Variants in BASP1 observed in about 807,000 individuals in gnomAD.
The protein encoded by BASP1 is brain abundant membrane attached signal protein 1, also known as brain acid soluble protein 1.
A neutral mutation model predicts 2.2 loss-of-function variants in BASP1; 1 was observed. That is an observed-to-expected ratio of 0.46 (90% CI 0.16 to 2.17). The LOEUF is 2.17. Among genes scored for constraint, BASP1 ranks in the 30% most tolerant of loss-of-function variants. BASP1 has a pLI of 0.27. For synonymous variants in BASP1, 187 were observed against 154.2 expected (o/e 1.21, Z -1.58); for missense variants, 352 against 327.2 (o/e 1.08, Z -0.58).
intron 1 of BASP1, among the ~76,000 whole-genome samples, chr5:17,235,910 G>A (rs530194009): frequency 1.3e-5 from 2 of 152,264 alleles, no homozygotes; most frequent in East Asian, 3.9e-4. Flanking sequence ...GACACTACTT[G>A]GCCCAGAGTA....
rs563378888 is a variant in BASP1 at position 17,241,245 on chromosome 5, A to G, written c.-10+23435A>G. Among the ~76,000 whole-genome samples, 3 of 152,068 alleles carry G rather than the reference A, an allele frequency of 2.0e-5. No individual in the cohort carries two copies. In the East Asian group the frequency reaches 5.8e-4, roughly 30 times the overall value. The stretch of plus-strand genomic sequence containing the variant: ...CTCCTGAGTAGCTGGGATTATAGAC[A>G]TGTACCACCAGTCCCGGCTAATTTT... On this transcript the variant is annotated intron_variant, in intron 1 of 1. Transcript: ENST00000322611.
intron 1 of BASP1, among the ~76,000 whole-genome samples, chr5:17,238,483 A>G (rs1739792505): frequency 6.6e-6 from 1 of 152,150 alleles, no homozygotes; most frequent in Non-Finnish European, 1.5e-5. Flanking sequence ...CAGTGAGGAG[A>G]AACCTTTAGT....
rs116799091 is a variant in BASP1, at chr5:17,225,665, G to A, written c.-10+7855G>A. On this transcript the variant is annotated intron_variant, in intron 1 of 1. Transcript: ENST00000322611. ...CTTATTTGGGGGCTATAGAGCAAGCGGAGCAGTCAGGCATCCCACCCACCC... is the reference window on the plus strand; with the variant it reads ...CTTATTTGGGGGCTATAGAGCAAGCAGAGCAGTCAGGCATCCCACCCACCC... Among the ~76,000 whole-genome samples the A allele has an allele frequency of 9.6e-3, 1,465 of 152,268 alleles. 13 individuals are homozygous for A. The highest frequency in any genetic ancestry group is 0.034 in the African/African-American group (1,397 of 41,546).
chr5:17,221,757 C>A (rs1388514979), intron 1 of BASP1, among the ~76,000 whole-genome samples: 1 of 151,996 alleles, frequency 6.6e-6, no homozygotes, highest in Non-Finnish European at 1.5e-5. Flanking sequence ...TTATAGTGGA[C>A]AACTATTAGG....
chr5:17,224,847 G>A (rs563988371), intron 1 of BASP1, among the ~76,000 whole-genome samples: 8 of 152,324 alleles, frequency 5.3e-5, no homozygotes, highest in African/African-American at 1.7e-4. Context: ...CTAGCAGACC[G>A]TCTGCCACTG....
chr5:17,228,679 A>G (rs753627386), intron 1 of BASP1, among the ~76,000 whole-genome samples: 9 of 152,190 alleles, frequency 5.9e-5, no homozygotes, highest in Non-Finnish European at 1.3e-4. Flanking sequence ...TAAGGGGAGA[A>G]GGAAGTGATG....
At chr5:17,230,263 G>A (rs1739605261) in intron 1 of BASP1, among the ~76,000 whole-genome samples, 1 of 152,126 alleles carries the variant, frequency 6.6e-6, no homozygotes, top group Non-Finnish European at 1.5e-5. Context: ...GATTTTACTG[G>A]ATAGAGACTT....
upstream of BASP1, among the ~76,000 whole-genome samples, chr5:17,217,281 C>T (rs1328620487): frequency 1.7e-5 from 1 of 57,210 alleles, no homozygotes; most frequent in African/African-American, 8.2e-5. Context: ...ACCAGGATGG[C>T]GGATAGGAGA....
chr5:17,233,580 C>T (rs1297160154), intron 1 of BASP1, among the ~76,000 whole-genome samples: 1 of 152,100 alleles, frequency 6.6e-6, no homozygotes, highest in Non-Finnish European at 1.5e-5. Flanking sequence ...ACCATACTGC[C>T]TCCTGGTTTC....
At chr5:17,238,639 C>G (rs1739796228) in intron 1 of BASP1, among the ~76,000 whole-genome samples, 1 of 152,128 alleles carries the variant, frequency 6.6e-6, no homozygotes, top group South Asian at 2.1e-4. Context: ...CCTACTTTTC[C>G]CCTTCATCTC....
rs3733748 is a variant in BASP1, at chr5:17,275,443, C to T, written c.227C>T (p.Ala76Val). ...GAGAAGGAGGGCGAGAAGGACGCGGCGGCTGCCAAGGAGGAGGCCCCGAAG... is the reference window on the plus strand; with the variant it reads ...GAGAAGGAGGGCGAGAAGGACGCGGTGGCTGCCAAGGAGGAGGCCCCGAAG... ...AEEKEGEKDA[A>V]AAKEEAPKAE... The change falls in exon 2 of 2, where the codon GCG becomes GTG. Residue 76 changes from alanine (A) to valine (V), a missense_variant. Coordinates refer to ENST00000322611, the MANE Select transcript of BASP1 (RefSeq NM_006317.5). This position sits in a 1 kb window ranked among gnomAD's most constrained non-coding sequence, Gnocchi z 5.3. 2,473 of 1,524,494 alleles carry T rather than the reference C, an allele frequency of 1.6e-3. 31 individuals are homozygous for T. The East Asian group carries it at 0.028, about 17-fold the overall frequency. 94.4% of individuals were successfully genotyped at this position (1,524,494 alleles called of 1,614,324 possible).
intron 1 of BASP1, among the ~76,000 whole-genome samples, chr5:17,220,625 T>C (rs1739377648): frequency 6.6e-6 from 1 of 152,190 alleles, no homozygotes; most frequent in Non-Finnish European, 1.5e-5. Flanking sequence ...CTTTAACTGG[T>C]ACTCAGTCTG....
chr5:17,225,890 T>C (rs549037381), intron 1 of BASP1, among the ~76,000 whole-genome samples: 3 of 152,362 alleles, frequency 2.0e-5, no homozygotes, highest in South Asian at 4.1e-4. Context: ...AAAAATCTGT[T>C]AGATTCTGAA....
intron 1 of BASP1, among the ~76,000 whole-genome samples, chr5:17,259,945 A>G (rs748366010): frequency 6.6e-5 from 10 of 152,174 alleles, no homozygotes; most frequent in Non-Finnish European, 1.3e-4. Flanking sequence ...GATATGATCT[A>G]TTAGTTTCCT....
rs77998177 is a variant in BASP1 at position 17,242,130 on chromosome 5, G to A, written c.-10+24320G>A. The stretch of plus-strand genomic sequence containing the variant: ...ATTCCCCTCCTTCGACTAGGAAGGC[G>A]TTCTTTGATGCACCATTAATAGTTT... On this transcript the variant is annotated intron_variant, in intron 1 of 1. Coordinates refer to ENST00000322611, the MANE Select transcript of BASP1 (RefSeq NM_006317.5). Among the ~76,000 whole-genome samples, 385 of 152,268 alleles carry A rather than the reference G, an allele frequency of 2.5e-3. 8 individuals are homozygous for A. In the East Asian group the frequency reaches 0.053, roughly 21 times the overall value.
At chr5:17,255,564 T>C (rs1243554722) in intron 1 of BASP1, among the ~76,000 whole-genome samples, 1 of 152,208 alleles carries the variant, frequency 6.6e-6, no homozygotes, top group Non-Finnish European at 1.5e-5. Context: ...GTTGGATGCC[T>C]GGTGTCGATC....
At chr5:17,227,562 G>A (rs900036554) in intron 1 of BASP1, among the ~76,000 whole-genome samples, 2 of 151,942 alleles carry the variant, frequency 1.3e-5, no homozygotes, top group African/African-American at 4.8e-5. Context: ...CACTATGCCC[G>A]GCTAATTTTT....
chr5:17,275,071 T>G lies in BASP1; in HGVS notation c.-9-137T>G, dbSNP rs1260631335. The stretch of plus-strand genomic sequence containing the variant: ...TAAATTGAATTTAACTGTGCCTAAC[T>G]ATAGTTTACCATGCCACCCCTTTGG... On this transcript the variant is annotated intron_variant, in intron 1 of 1. Transcript: ENST00000322611. This position sits in a 1 kb window ranked among gnomAD's most constrained non-coding sequence, Gnocchi z 5.3. 6 of 700,088 alleles carry G rather than the reference T, an allele frequency of 8.6e-6. No individual in the cohort carries two copies. Among genetic ancestry groups the G allele is most frequent in the Non-Finnish European group, 1.4e-5 (6 of 414,570 alleles). The allele number at this position is 700,088 out of a possible 1,614,324, so 43.4% of individuals were successfully genotyped here.
At chr5:17,273,399 A>T (rs1424960725) in intron 1 of BASP1, among the ~76,000 whole-genome samples, 3 of 150,834 alleles carry the variant, frequency 2.0e-5, no homozygotes, top group African/African-American at 7.3e-5. Context: ...CCCCTTTTCT[A>T]AAAAAAAAGG....
Sources: gnomAD v4.1 joint callset for allele counts (sites outside exome capture counted in the v4.1 genomes callset) on GRCh38, gnomAD v4.1.1 for gene constraint, Gnocchi (gnomAD v3.1) non-coding constraint, MANE v1.5 for transcripts, NCBI Gene and HGNC (gene_info 2026-07-23, HGNC 2026-07-21) for gene names.